FERRY3: variants seen among roughly 807,000 people sequenced by gnomAD.
The protein encoded by FERRY3 is FERRY endosomal RAB5 effector complex subunit 3.
At chr12:4,505,420 A>G in the FERRY3 span, 1 of 1,349,144 alleles carries the variant, frequency 7.4e-7, no homozygotes, top group Non-Finnish European at 1.0e-6. Flanking sequence ...ACATAACAAC[A>G]TATGAGAATA....
the FERRY3 span, among the ~76,000 whole-genome samples, chr12:4,521,547 T>G: frequency 6.6e-6 from 1 of 152,206 alleles, no homozygotes; most frequent in South Asian, 2.1e-4. Flanking sequence ...AGTGGAAAGG[T>G]AGACAACACA....
At chr12:4,502,288 A>C in the FERRY3 span, 148 of 376,922 alleles carry the variant, frequency 3.9e-4, 3 homozygotes, top group South Asian at 2.7e-3. The surrounding 1 kb of genome is among the most constrained non-coding windows in gnomAD (Gnocchi z 4.2). Flanking sequence ...TAAATGTTCT[A>C]TCTTTAGCAA....
chr12:4,503,185 T>G, the FERRY3 span, among the ~76,000 whole-genome samples: 2 of 152,328 alleles, frequency 1.3e-5, no homozygotes, highest in African/African-American at 4.8e-5. Context: ...AAATGACTTG[T>G]TTCTTGGCCT....
the FERRY3 span, among the ~76,000 whole-genome samples, chr12:4,520,551 C>T: frequency 1.3e-5 from 2 of 152,120 alleles, no homozygotes; most frequent in African/African-American, 2.4e-5. Context: ...CCCCAAGTGC[C>T]GTTCTAAGCA....
chr12:4,502,380 G>C, the FERRY3 span: 1 of 452,262 alleles, frequency 2.2e-6, no homozygotes, highest in East Asian at 7.0e-5. The surrounding 1 kb of genome is among the most constrained non-coding windows in gnomAD (Gnocchi z 4.2). Context: ...CGCTGGAGCA[G>C]TCTTTCTCAA....
chr12:4,503,466 T>G, the FERRY3 span, among the ~76,000 whole-genome samples: 17 of 152,206 alleles, frequency 1.1e-4, no homozygotes, highest in Non-Finnish European at 2.5e-4. Context: ...TTAAGTAAAC[T>G]ATGACTGGCT....
At chr12:4,505,323 T>C in the FERRY3 span, 3 of 1,602,742 alleles carry the variant, frequency 1.9e-6, no homozygotes, top group Non-Finnish European at 2.6e-6. Flanking sequence ...AACATTTAAA[T>C]AGTTCCTCTC....
chr12:4,530,178 G>A, the FERRY3 span: 4 of 764,114 alleles, frequency 5.2e-6, no homozygotes, highest in South Asian at 3.9e-5. Context: ...ATATATATGT[G>A]TGTGTAAATA....
the FERRY3 span, chr12:4,525,561 CTT>C: frequency 6.2e-7 from 1 of 1,611,080 alleles, no homozygotes. Context: ...TCCTGCATGA[CTT>C]TTTCCATTTC....
chr12:4,507,230 C>T, the FERRY3 span, among the ~76,000 whole-genome samples: 9 of 152,026 alleles, frequency 5.9e-5, no homozygotes, highest in African/African-American at 7.2e-5. Context: ...CTAGTTTGTA[C>T]GAGAAGAAGG....
At chr12:4,515,251 T>C in the FERRY3 span, among the ~76,000 whole-genome samples, 1 of 152,232 alleles carries the variant, frequency 6.6e-6, no homozygotes, top group African/African-American at 2.4e-5. Flanking sequence ...TCAATAGCTT[T>C]AAAAACCATT....
the FERRY3 span, among the ~76,000 whole-genome samples, chr12:4,531,601 G>C: frequency 6.6e-6 from 1 of 152,210 alleles, no homozygotes. Context: ...GAGAGGAATG[G>C]GGCACTGAGG....
At chr12:4,530,130 T>C in the FERRY3 span, 4 of 1,348,986 alleles carry the variant, frequency 3.0e-6, no homozygotes, top group Non-Finnish European at 4.1e-6. Context: ...TATGTATGAT[T>C]CCATTTTTGC....
chr12:4,502,178 T>C, the FERRY3 span: 12 of 294,534 alleles, frequency 4.1e-5, no homozygotes, highest in East Asian at 6.3e-4. The surrounding 1 kb of genome is among the most constrained non-coding windows in gnomAD (Gnocchi z 4.2). Context: ...TTTCACCTTA[T>C]TCGGTTTTAT....
chr12:4,495,326 T>G, the FERRY3 span, among the ~76,000 whole-genome samples: 1 of 152,208 alleles, frequency 6.6e-6, no homozygotes, highest in African/African-American at 2.4e-5. Context: ...AATACTATGA[T>G]AGTAATCAGA....
chr12:4,492,006 A>T, the FERRY3 span, among the ~76,000 whole-genome samples: 3 of 152,124 alleles, frequency 2.0e-5, no homozygotes, highest in East Asian at 1.9e-4. Flanking sequence ...CTTGAGTCCA[A>T]GAGTTCAAGT....
chr12:4,501,041 T>A, the FERRY3 span, among the ~76,000 whole-genome samples: 1 of 152,238 alleles, frequency 6.6e-6, no homozygotes, highest in Admixed American at 6.5e-5. Context: ...GAGACCAATC[T>A]GTCCAGTTAG....
At chr12:4,509,958 G>A in the FERRY3 span, among the ~76,000 whole-genome samples, 1 of 138,314 alleles carries the variant, frequency 7.2e-6, no homozygotes, top group African/African-American at 3.2e-5. Context: ...AGCTACGGGA[G>A]GACATTCAAA....
chr12:4,530,070 CAATCTT>C, the FERRY3 span: 2 of 1,586,322 alleles, frequency 1.3e-6, no homozygotes, highest in Non-Finnish European at 8.5e-7. Flanking sequence ...AATATACAGA[CAATCTT>C]AAATCATGAT....
Sources: allele counts gnomAD v4.1 joint callset (sites outside exome capture counted in the v4.1 genomes callset), GRCh38; gene constraint gnomAD v4.1.1; non-coding constraint Gnocchi (gnomAD v3.1); transcripts MANE v1.5; gene names NCBI Gene and HGNC (gene_info 2026-07-23, HGNC 2026-07-21).